DOCK3: variants seen among roughly 807,000 people sequenced by gnomAD.
The protein encoded by DOCK3 is dedicator of cytokinesis protein 3.
In DOCK3, 60 loss-of-function variants were observed where a neutral mutation model predicts 265.6. The ratio of observed to expected loss-of-function variants is 0.23; its 90% confidence interval spans 0.18 to 0.28. The LOEUF (loss-of-function observed/expected upper bound fraction) is 0.28. DOCK3 is among the 10% of genes least tolerant of loss of function. The pLI, the probability that DOCK3 is intolerant of heterozygous loss-of-function variation, is 1.00. For missense variants in DOCK3, 1,981 were observed against 2,594.3 expected, an observed-to-expected ratio of 0.76 and a Z score of 5.14; for synonymous variants, 881 against 938.0, an observed-to-expected ratio of 0.94 and a Z score of 1.11.
chr3:51,113,727 G>A (rs750859394), intron 9 of DOCK3, among the ~76,000 whole-genome samples: 5 of 152,188 alleles, frequency 3.3e-5, no homozygotes, highest in Non-Finnish European at 7.3e-5. Flanking sequence ...GTATTCTGCA[G>A]TGCCCAGTAG....
intron 12 of DOCK3, among the ~76,000 whole-genome samples, chr3:51,203,651 T>C (rs967161968): frequency 6.6e-6 from 1 of 152,130 alleles, no homozygotes; most frequent in African/African-American, 2.4e-5. Context: ...CTTCACAGAA[T>C]TGGAAAAAAC....
chr3:50,866,111 G>C (rs2047128849), intron 3 of DOCK3, among the ~76,000 whole-genome samples: 1 of 152,006 alleles, frequency 6.6e-6, no homozygotes, highest in Non-Finnish European at 1.5e-5. Context: ...TTCCTTTGCT[G>C]TGAAGAAGCT....
At chr3:51,233,236 C>T (rs757661875) in intron 19 of DOCK3, among the ~76,000 whole-genome samples, 6 of 152,092 alleles carry the variant, frequency 3.9e-5, no homozygotes, top group African/African-American at 9.7e-5. Context: ...TTAACAATAT[C>T]GATTCTTCCA....
At chr3:51,121,280 C>G (rs924417709) in intron 9 of DOCK3, among the ~76,000 whole-genome samples, 2 of 152,166 alleles carry the variant, frequency 1.3e-5, no homozygotes, top group Admixed American at 1.3e-4. Flanking sequence ...CGGGGTGAGG[C>G]GATGCCCCAC....
chr3:50,779,392 T>C, intron 2 of DOCK3, among the ~76,000 whole-genome samples: 1 of 151,180 alleles, frequency 6.6e-6, no homozygotes, highest in East Asian at 1.9e-4. Flanking sequence ...TGTTTATTTA[T>C]TTTTTTTTGA....
chr3:51,187,726 A>C (rs1251934969), intron 12 of DOCK3, among the ~76,000 whole-genome samples: 1 of 150,964 alleles, frequency 6.6e-6, no homozygotes, highest in East Asian at 1.9e-4. Context: ...GATGGTTTTA[A>C]AAAACGGGAG....
chr3:51,251,202 T>C (rs2079207099), intron 22 of DOCK3, among the ~76,000 whole-genome samples: 1 of 152,244 alleles, frequency 6.6e-6, no homozygotes, highest in African/African-American at 2.4e-5. Flanking sequence ...CATGAACTCA[T>C]CCTTTTTATG....
chr3:51,189,137 T>TGATA (rs1451451370), intron 12 of DOCK3, among the ~76,000 whole-genome samples: 4 of 152,246 alleles, frequency 2.6e-5, no homozygotes, highest in African/African-American at 7.2e-5. Flanking sequence ...TGGGATAAGA[T>TGATA]GATAGCTCAT....
At chr3:50,703,106 C>G (rs1362325186) in intron 1 of DOCK3, among the ~76,000 whole-genome samples, 1 of 151,998 alleles carries the variant, frequency 6.6e-6, no homozygotes, top group Non-Finnish European at 1.5e-5. Context: ...TGATCATATG[C>G]TTTTTATTCT....
chr3:50,706,831 G>C (rs1397965272), intron 1 of DOCK3, among the ~76,000 whole-genome samples: 1 of 151,766 alleles, frequency 6.6e-6, no homozygotes, highest in Admixed American at 6.6e-5. Context: ...AAAGAGACAA[G>C]TTCTGAATTT....
intron 1 of DOCK3, among the ~76,000 whole-genome samples, chr3:50,692,216 C>G (rs1372089676): frequency 6.6e-6 from 1 of 152,140 alleles, no homozygotes; most frequent in Non-Finnish European, 1.5e-5. Context: ...TGTGCCTGGC[C>G]TCAATTTTGT....
intron 2 of DOCK3, among the ~76,000 whole-genome samples, chr3:50,783,193 A>G (rs1418328189): frequency 2.0e-5 from 3 of 152,182 alleles, no homozygotes; most frequent in Non-Finnish European, 4.4e-5. Context: ...GTAGATATCC[A>G]GTAGTGGGAT....
intron 21 of DOCK3, among the ~76,000 whole-genome samples, chr3:51,246,013 A>ACC (rs2078821074): frequency 6.6e-6 from 1 of 152,180 alleles, no homozygotes; most frequent in Non-Finnish European, 1.5e-5. Flanking sequence ...TGCCATATAA[A>ACC]TATGCAGACC....
At chr3:51,338,607 A>C (rs1443872529) in intron 36 of DOCK3, among the ~76,000 whole-genome samples, 188 bp downstream of exon 36, 1 of 152,176 alleles carries the variant, frequency 6.6e-6, no homozygotes, top group Non-Finnish European at 1.5e-5. Flanking sequence ...GGAAGGAATG[A>C]AACGAGCTTC....
intron 3 of DOCK3, among the ~76,000 whole-genome samples, chr3:50,871,134 G>C (rs72935279): frequency 0.019 from 2,906 of 152,002 alleles, 94 homozygotes; most frequent in African/African-American, 0.067. Context: ...CTCGTTGCTT[G>C]TCGTCATCCT....
At chr3:51,079,367 TTGTTG>T (rs2082151733) in intron 7 of DOCK3, among the ~76,000 whole-genome samples, 1 of 152,082 alleles carries the variant, frequency 6.6e-6, no homozygotes, top group Non-Finnish European at 1.5e-5. Flanking sequence ...GAGTCTGTCT[TTGTTG>T]CCATGGCTGG....
rs1307637674 is a variant in DOCK3, at chr3:51,201,087, C to T, written c.1038-7687C>T. ...GCAAAATCATGCCAAAATGTAAAGACCATCGAGACTAGGAAGAAACTGCAT... is the reference window on the plus strand; with the variant it reads ...GCAAAATCATGCCAAAATGTAAAGATCATCGAGACTAGGAAGAAACTGCAT... On this transcript the variant is annotated intron_variant, in intron 12 of 52. Coordinates refer to ENST00000266037, the MANE Select transcript of DOCK3 (RefSeq NM_004947.5). 3.3e-5 allele frequency among the ~76,000 whole-genome samples: 5 copies of T among 151,794 alleles called. No homozygotes were observed. The South Asian group carries it at 1.0e-3, about 32-fold the overall frequency.
At chr3:51,165,776 C>CT (rs1560150776) in intron 12 of DOCK3, among the ~76,000 whole-genome samples, 1 of 152,010 alleles carries the variant, frequency 6.6e-6, no homozygotes, top group Admixed American at 6.6e-5. Flanking sequence ...GCAGGATTCC[C>CT]TTTTTTATTA....
intron 32 of DOCK3, among the ~76,000 whole-genome samples, chr3:51,322,950 G>GGAAGAATA (rs140222303): frequency 1.3e-5 from 2 of 150,690 alleles, no homozygotes; most frequent in Non-Finnish European, 3.0e-5. Context: ...ATAGAGGCAT[G>GGAAGAATA]CTTACCAAGC....
Sources: gnomAD v4.1 joint callset for allele counts (sites outside exome capture counted in the v4.1 genomes callset) on GRCh38, gnomAD v4.1.1 for gene constraint, MANE v1.5 for transcripts, NCBI Gene and HGNC (gene_info 2026-07-23, HGNC 2026-07-21) for gene names.